DACH2: variants seen among roughly 807,000 people sequenced by gnomAD.
The protein encoded by DACH2 is dachshund family transcription factor 2, also known as dachshund homolog 2.
DACH2 carries 17 observed loss-of-function variants against 35.8 expected under a neutral mutation model. That is an observed-to-expected ratio of 0.48 (90% CI 0.33 to 0.71). The LOEUF is 0.71. Among genes scored for constraint, DACH2 ranks in the 30% least tolerant of loss-of-function variants. The pLI is 0.02. For synonymous variants in DACH2, 195 were observed against 177.3 expected (o/e 1.10, Z -0.79); for missense variants, 469 against 472.7 (o/e 0.99, Z 0.07).
intron 1 of DACH2, among the ~76,000 whole-genome samples, chrX:86,219,652 T>C (rs1449919847): frequency 9.0e-6 from 1 of 111,638 alleles, no homozygotes; most frequent in East Asian, 2.8e-4. Context: ...ATTACATAGG[T>C]TGTCTTTTCA....
chrX:86,322,482 T>G (rs1428847748), intron 1 of DACH2, among the ~76,000 whole-genome samples: 1 of 111,510 alleles, frequency 9.0e-6, no homozygotes, highest in African/African-American at 3.3e-5. Flanking sequence ...CCTTGGTCCC[T>G]GGGTCCTAGC....
chrX:86,660,753 T>C (rs1659862598), intron 4 of DACH2, among the ~76,000 whole-genome samples: 2 of 111,544 alleles, frequency 1.8e-5, no homozygotes, highest in East Asian at 2.8e-4. Context: ...TTAGAGTATA[T>C]ATGTATCTAA....
intron 3 of DACH2, among the ~76,000 whole-genome samples, chrX:86,592,778 G>A (rs2039663643): frequency 9.0e-6 from 1 of 111,426 alleles, no homozygotes; most frequent in South Asian, 3.7e-4. Context: ...CATTTTTGGT[G>A]CGGATGTAAA....
At chrX:86,387,539 AT>A (rs1200970379) in intron 2 of DACH2, among the ~76,000 whole-genome samples, 1 of 111,639 alleles carries the variant, frequency 9.0e-6, no homozygotes, top group Non-Finnish European at 1.9e-5. Flanking sequence ...AGAAGTCTCT[AT>A]TTTTTTAATC....
At chrX:86,238,165 C>A (rs985958436) in intron 1 of DACH2, among the ~76,000 whole-genome samples, 2 of 112,317 alleles carry the variant, frequency 1.8e-5, no homozygotes, top group Non-Finnish European at 3.8e-5. Context: ...CCTAATCACT[C>A]TTTTTACCTC....
chrX:86,307,063 G>A (rs921225166), intron 1 of DACH2, among the ~76,000 whole-genome samples: 1 of 111,802 alleles, frequency 8.9e-6, no homozygotes, highest in African/African-American at 3.3e-5. Flanking sequence ...CTCATGAAAG[G>A]CAAGGAGTTT....
At chrX:86,313,803 A>G (rs1252187883) in intron 1 of DACH2, among the ~76,000 whole-genome samples, 2 of 111,558 alleles carry the variant, frequency 1.8e-5, no homozygotes, top group Non-Finnish European at 3.8e-5. Flanking sequence ...TGTGCTTCTC[A>G]GGCATTTCCT....
chrX:86,534,185 A>C (rs896937012), intron 3 of DACH2, among the ~76,000 whole-genome samples: 1 of 111,994 alleles, frequency 8.9e-6, no homozygotes, highest in African/African-American at 3.2e-5. Flanking sequence ...GCTATAAGGC[A>C]AATCAAAACA....
intron 3 of DACH2, among the ~76,000 whole-genome samples, chrX:86,613,896 A>G (rs1349350383): frequency 1.8e-5 from 2 of 111,930 alleles, no homozygotes; most frequent in African/African-American, 3.2e-5. Flanking sequence ...GCATATTTCT[A>G]TGTAACTCTC....
At chrX:86,408,436 T>C in intron 2 of DACH2, among the ~76,000 whole-genome samples, 2 of 111,747 alleles carry the variant, frequency 1.8e-5, no homozygotes, top group Middle Eastern at 4.6e-3. Context: ...AGCATTCCTC[T>C]TCTCACCTTA....
At chrX:86,804,343 C>A (rs904835229) in intron 7 of DACH2, among the ~76,000 whole-genome samples, 14 of 111,549 alleles carry the variant, frequency 1.3e-4, no homozygotes, top group East Asian at 5.6e-4. Flanking sequence ...ATGAGAACCG[C>A]ACCAGGAGAT....
intron 3 of DACH2, among the ~76,000 whole-genome samples, chrX:86,573,387 AC>A (rs66518673): frequency 0.17 from 18,549 of 111,018 alleles, 1,540 homozygotes; most frequent in African/African-American, 0.32. Flanking sequence ...ATCCTTAAAA[AC>A]ATGTCATCAT....
At chrX:86,417,215 C>T (rs1602497011) in intron 2 of DACH2, among the ~76,000 whole-genome samples, 1 of 110,140 alleles carries the variant, frequency 9.1e-6, no homozygotes, top group South Asian at 3.9e-4. Context: ...GACCCCATGA[C>T]CCAAACATCT....
At chrX:86,160,759 A>G (rs2030725670) in intron 1 of DACH2, 2 of 463,692 alleles carry the variant, frequency 4.3e-6, no homozygotes, top group Non-Finnish European at 7.7e-6. Context: ...ATTTCACTCA[A>G]AGCTTCCTGG....
chrX:86,682,697 C>T lies in DACH2; in HGVS notation c.773-12324C>T, dbSNP rs1215539378. On this transcript the variant is annotated intron_variant, in intron 4 of 11. Coordinates refer to ENST00000373125, the MANE Select transcript of DACH2 (RefSeq NM_053281.3). Reference sequence around the variant, plus strand: ...GTAATTCATAAGCCCCAGTGTAATACAAGTGAAAGATCCATTCCATACACT... The same window carrying T: ...GTAATTCATAAGCCCCAGTGTAATATAAGTGAAAGATCCATTCCATACACT... 3.6e-5 allele frequency among the ~76,000 whole-genome samples: 4 copies of T among 111,727 alleles called. No homozygotes were observed. In the East Asian group the frequency reaches 1.1e-3, roughly 31 times the overall value.
At chrX:86,428,339 C>T (rs1328367420) in intron 2 of DACH2, among the ~76,000 whole-genome samples, 2 of 111,548 alleles carry the variant, frequency 1.8e-5, no homozygotes, top group African/African-American at 6.5e-5. Context: ...AAGGGATGAG[C>T]ATAAATACAG....
intron 3 of DACH2, among the ~76,000 whole-genome samples, chrX:86,572,321 C>CA (rs61251939): frequency 5.5e-5 from 6 of 108,566 alleles, no homozygotes; most frequent in Non-Finnish European, 7.7e-5. Context: ...TATTGAAATG[C>CA]AAAAAAAAAT....
intron 4 of DACH2, among the ~76,000 whole-genome samples, chrX:86,658,476 T>C (rs1378354938): frequency 9.0e-6 from 1 of 111,606 alleles, no homozygotes; most frequent in African/African-American, 3.2e-5. Flanking sequence ...AGACCTATAG[T>C]TTCTTTGATT....
At chrX:86,593,398 T>A (rs865921320) in intron 3 of DACH2, among the ~76,000 whole-genome samples, 12 of 91,465 alleles carry the variant, frequency 1.3e-4, no homozygotes, top group South Asian at 9.2e-4. Flanking sequence ...TATATATATT[T>A]TTTTATTTTA....
Sources: gnomAD v4.1 joint callset for allele counts (sites outside exome capture counted in the v4.1 genomes callset) on GRCh38, gnomAD v4.1.1 for gene constraint, MANE v1.5 for transcripts, NCBI Gene and HGNC (gene_info 2026-07-23, HGNC 2026-07-21) for gene names.